The following RABGAP1L variants were observed in gnomAD, a reference collection of about 807,000 sequenced individuals.
RABGAP1L encodes rab GTPase-activating protein 1-like.
In RABGAP1L, 63 loss-of-function variants were observed where a neutral mutation model predicts 137.7. The ratio of observed to expected loss-of-function variants is 0.46; its 90% confidence interval spans 0.37 to 0.56. The LOEUF is 0.56. RABGAP1L is among the 20% of genes least tolerant of loss of function. The pLI, the probability that RABGAP1L is intolerant of heterozygous loss-of-function variation, is 0.00. For missense variants in RABGAP1L, 1,095 were observed against 1,244.0 expected, an observed-to-expected ratio of 0.88 and a Z score of 1.80; for synonymous variants, 431 against 433.7, an observed-to-expected ratio of 0.99 and a Z score of 0.08.
intron 18 of RABGAP1L, among the ~76,000 whole-genome samples, chr1:174,795,846 G>T (rs1185506847): frequency 6.6e-6 from 1 of 152,168 alleles, no homozygotes; most frequent in African/African-American, 2.4e-5. Flanking sequence ...AAAGTCCTGG[G>T]ATTATAGGTG....
intron 18 of RABGAP1L, among the ~76,000 whole-genome samples, chr1:174,802,591 G>A (rs1007671545): frequency 7.2e-5 from 11 of 152,186 alleles, no homozygotes; most frequent in African/African-American, 2.4e-4. Flanking sequence ...TGGGCAATAA[G>A]AGCTAAACTC....
intron 24 of RABGAP1L, among the ~76,000 whole-genome samples, chr1:174,987,048 T>C (rs954123978): frequency 6.6e-6 from 1 of 152,208 alleles, no homozygotes; most frequent in Non-Finnish European, 1.5e-5. Context: ...TAATTAATAT[T>C]AATGAAAAGG....
At chr1:174,390,055 T>C (rs1687097306) in intron 12 of RABGAP1L, among the ~76,000 whole-genome samples, 1 of 152,154 alleles carries the variant, frequency 6.6e-6, no homozygotes, top group Non-Finnish European at 1.5e-5. Flanking sequence ...AATTTCTCTT[T>C]TATTTATTTG....
At chr1:174,585,224 T>C (rs1266703561) in intron 13 of RABGAP1L, among the ~76,000 whole-genome samples, 1 of 152,208 alleles carries the variant, frequency 6.6e-6, no homozygotes, top group African/African-American at 2.4e-5. Context: ...TGTGGTTGTA[T>C]TGTATTTCTT....
At chr1:174,517,664 C>G (rs1662989446) in intron 13 of RABGAP1L, among the ~76,000 whole-genome samples, 1 of 152,128 alleles carries the variant, frequency 6.6e-6, no homozygotes, top group African/African-American at 2.4e-5. Context: ...TTATAGTAGA[C>G]TCTTCCAGAT....
chr1:174,958,089 C>A, intron 20 of RABGAP1L: 5 of 1,516,828 alleles, frequency 3.3e-6, no homozygotes, highest in Non-Finnish European at 4.4e-6. Flanking sequence ...CCAAGACTGA[C>A]ACAAGGATGT....
At chr1:174,787,819 C>T (rs566755488) in intron 18 of RABGAP1L, among the ~76,000 whole-genome samples, 1 of 152,258 alleles carries the variant, frequency 6.6e-6, no homozygotes, top group African/African-American at 2.4e-5. Context: ...ATAATGAAGG[C>T]TTCTTTAACC....
chr1:174,985,877 T>C (rs1214263868), intron 24 of RABGAP1L, among the ~76,000 whole-genome samples: 1 of 152,226 alleles, frequency 6.6e-6, no homozygotes, highest in Admixed American at 6.5e-5. Context: ...CAGTCATTAG[T>C]GACCTACATC....
chr1:174,918,573 A>G (rs1661254621), intron 19 of RABGAP1L, among the ~76,000 whole-genome samples: 1 of 152,176 alleles, frequency 6.6e-6, no homozygotes, highest in African/African-American at 2.4e-5. Flanking sequence ...GCTTGAGCTC[A>G]GGAGTTAGAG....
intron 19 of RABGAP1L, among the ~76,000 whole-genome samples, chr1:174,939,993 T>C (rs991712441): frequency 3.3e-5 from 5 of 152,228 alleles, no homozygotes; most frequent in Non-Finnish European, 1.5e-5. Context: ...TTATGTTAGG[T>C]TGCAGTAGAT....
chr1:174,299,468 A>G (rs965501550), intron 10 of RABGAP1L, among the ~76,000 whole-genome samples: 8 of 152,184 alleles, frequency 5.3e-5, no homozygotes, highest in Non-Finnish European at 8.8e-5. Flanking sequence ...ACTTTCTCCA[A>G]TTGTGCTCTG....
At chr1:174,694,288 C>T (rs1175399881) in intron 15 of RABGAP1L, among the ~76,000 whole-genome samples, 14 of 151,322 alleles carry the variant, frequency 9.3e-5, no homozygotes, top group African/African-American at 1.7e-4. Flanking sequence ...CATGCTGGTG[C>T]GCTGCACCCA....
At position 174,321,584 on chromosome 1, in the gene RABGAP1L, G is replaced by A. The variant is rs573224027; in HGVS notation, c.1465+16457G>A. ...AAGAACCTACATTGAAATATTGGGG[G>A]TGGTTCCTCTGATAATGAATAATGA... On this transcript the variant is annotated intron_variant, in intron 11 of 25. Transcript: ENST00000681986. Among the ~76,000 whole-genome samples the A allele has an allele frequency of 7.9e-5, 12 of 152,274 alleles. No homozygotes were observed. The East Asian group carries it at 2.3e-3, about 29-fold the overall frequency.
At chr1:174,936,304 C>A (rs1022462746) in intron 19 of RABGAP1L, among the ~76,000 whole-genome samples, 1 of 151,758 alleles carries the variant, frequency 6.6e-6, no homozygotes, top group African/African-American at 2.4e-5. Flanking sequence ...CTGGTCTCTA[C>A]TAAAAATAAG....
chr1:174,990,261 CTGA>C lies in RABGAP1L; in HGVS notation c.*263_*265del. 1 of 330,082 alleles carries C rather than the reference CTGA, an allele frequency of 3.0e-6. No individual in the cohort carries two copies. The highest frequency in any genetic ancestry group is 1.4e-4 in the South Asian group (1 of 7,196). 20.4% of individuals were successfully genotyped at this position (330,082 alleles called of 1,614,324 possible). On this transcript the variant is annotated 3_prime_UTR_variant, in exon 26 of 26. Transcript: ENST00000681986. ...TAGTATTACACATTATTTTGTTTGC[CTGA>C]TGTTTAGTTGGAAATAAGTAATTCA...
chr1:174,686,648 C>CTTTTTTTTT lies in RABGAP1L; in HGVS notation c.1899+3071_1899+3079dup, dbSNP rs533716511. Among the ~76,000 whole-genome samples, 6 of 105,840 alleles carry CTTTTTTTTT rather than the reference C, an allele frequency of 5.7e-5. 1 individual carries two copies. The highest frequency in any genetic ancestry group is 4.2e-5 in the Non-Finnish European group (2 of 47,676). The allele number at this position is 105,840 out of a possible 152,430, so 69.4% of individuals were successfully genotyped here. On this transcript the variant is annotated intron_variant, in intron 15 of 25. Transcript: ENST00000681986. ...GAAGCTTTGGTTTGAACAAAGCAAT[C>CTTTTTTTTT]TTTTTTTTTTTTTTTTTTTTTTTTT...
intron 11 of RABGAP1L, among the ~76,000 whole-genome samples, chr1:174,318,471 G>C (rs1170158135): frequency 6.6e-6 from 1 of 151,574 alleles, no homozygotes; most frequent in Non-Finnish European, 1.5e-5. Context: ...GTTTTGTTTT[G>C]TTTTTCTTCC....
chr1:174,720,307 G>GTT lies in RABGAP1L; in HGVS notation c.2169+18051_2169+18052insTT, dbSNP rs201866860. Among the ~76,000 whole-genome samples the GTT allele has an allele frequency of 9.1e-4, 108 of 118,294 alleles. 2 individuals carry two copies. The highest frequency in any genetic ancestry group is 2.8e-3 in the African/African-American group (103 of 36,172). 77.6% of individuals were successfully genotyped at this position (118,294 alleles called of 152,430 possible). A position where few individuals can be genotyped will look rare whatever the true frequency, so the allele number is the denominator to read the frequency against. On this transcript the variant is annotated intron_variant, in intron 17 of 25. Transcript: ENST00000681986. The stretch of plus-strand genomic sequence containing the variant: ...TAGATAGATAGACAGACAGATAGTT[G>GTT]GTTTTTTTTTTTTTGAGACAGGGTC...
chr1:174,227,783 C>A (rs1001953626), intron 3 of RABGAP1L, among the ~76,000 whole-genome samples: 2 of 150,808 alleles, frequency 1.3e-5, no homozygotes, highest in Non-Finnish European at 2.9e-5. Context: ...TTGTTACCTT[C>A]TAGATTTTAT....
Sources: allele counts gnomAD v4.1 joint callset (sites outside exome capture counted in the v4.1 genomes callset), GRCh38; gene constraint gnomAD v4.1.1; transcripts MANE v1.5; gene names NCBI Gene and HGNC (gene_info 2026-07-23, HGNC 2026-07-21).